The following KIF5B variants were observed in gnomAD, a reference collection of about 807,000 sequenced individuals.
KIF5B encodes the protein kinesin-1 heavy chain.
Under a neutral mutation model 132.8 loss-of-function variants are expected in KIF5B, and 49 were observed. The observed-to-expected ratio is 0.37, with a 90% CI of 0.29 to 0.47. The LOEUF (loss-of-function observed/expected upper bound fraction) is 0.47. KIF5B is among the 20% of genes least tolerant of loss of function. The pLI is 1.00. For synonymous variants in KIF5B, 355 were observed against 369.4 expected (o/e 0.96, Z 0.45); for missense variants, 780 against 1,144.0 (o/e 0.68, Z 4.59).
chr10:32,056,075 A>G lies in KIF5B; in HGVS notation c.-102T>C. On this transcript the variant is annotated 5_prime_UTR_variant, in exon 1 of 26. Transcript: ENST00000302418. The stretch of plus-strand genomic sequence containing the variant: ...GGCTTGTGGTCGCGAGGGCCGTGAG[A>G]GGCAGCAGTCAGCTGCGCCGCGCTG... 4.2e-6 allele frequency: 6 copies of G among 1,437,452 alleles called. No individual in the cohort carries two copies. The highest frequency in any genetic ancestry group is 5.7e-6 in the Non-Finnish European group (6 of 1,060,602). The allele number at this position is 1,437,452 out of a possible 1,614,324, so 89.0% of individuals were successfully genotyped here. A position where few individuals can be genotyped will look rare whatever the true frequency, so the allele number is the denominator to read the frequency against.
intron 15 of KIF5B, among the ~76,000 whole-genome samples, chr10:32,024,462 C>CT (rs772397837): frequency 6.7e-6 from 1 of 150,250 alleles, no homozygotes; most frequent in African/African-American, 2.4e-5. Flanking sequence ...CCGAAGAACT[C>CT]TTAAAACTCA....
rs779216636 is a variant in KIF5B, at chr10:32,032,686, G to A, written c.1374+20C>T. 1.2e-5 allele frequency: 19 copies of A among 1,588,422 alleles called. No individual in the cohort carries two copies. The highest frequency in any genetic ancestry group is 1.6e-5 in the Non-Finnish European group (19 of 1,156,676). ...ACTATAAAGCTTTTCTGGAAGCAAT[G>A]TAAAAGGTATTCAACTCACCTCCTC... On this transcript the variant is annotated intron_variant, in intron 13 of 25. Coordinates refer to ENST00000302418, the MANE Select transcript of KIF5B (RefSeq NM_004521.3).
intron 23 of KIF5B, 23 bp downstream of exon 23, chr10:32,018,028 AC>A: frequency 7.6e-7 from 1 of 1,308,668 alleles, no homozygotes. Context: ...TCTTGCAGCT[AC>A]CAGAAAATAT....
chr10:32,048,321 T>G (rs1340434069), intron 2 of KIF5B, 143 bp downstream of exon 2: 1 of 577,350 alleles, frequency 1.7e-6, no homozygotes, highest in Non-Finnish European at 3.1e-6. Flanking sequence ...GTGTTTGACC[T>G]TTTTATTATT....
chr10:32,034,328 T>A (rs1293163909), intron 11 of KIF5B, among the ~76,000 whole-genome samples: 1 of 152,076 alleles, frequency 6.6e-6, no homozygotes, highest in Non-Finnish European at 1.5e-5. Context: ...GCCAGGCTGG[T>A]CTCTAACTCC....
intron 15 of KIF5B, among the ~76,000 whole-genome samples, chr10:32,023,999 T>C (rs1287962557): frequency 2.0e-5 from 3 of 149,246 alleles, no homozygotes; most frequent in Non-Finnish European, 4.4e-5. Flanking sequence ...ACTTGGTAAG[T>C]TGGACCTCAT....
chr10:32,039,226 A>G (rs1242534495), intron 4 of KIF5B, 101 bp downstream of exon 4: 2 of 568,358 alleles, frequency 3.5e-6, no homozygotes, highest in East Asian at 6.5e-5. Flanking sequence ...GTACCTTTCC[A>G]GAAAAACAAT....
At chr10:32,025,633 C>G (rs1416113417) in intron 15 of KIF5B, among the ~76,000 whole-genome samples, 2 of 142,566 alleles carry the variant, frequency 1.4e-5, no homozygotes, top group Non-Finnish European at 3.2e-5. Context: ...GCCTCGGCCT[C>G]CCGAAGTGCT....
intron 14 of KIF5B, 115 bp downstream of exon 14, chr10:32,030,958 G>C (rs1592445634): frequency 1.4e-6 from 1 of 725,304 alleles, no homozygotes; most frequent in East Asian, 2.7e-5. Flanking sequence ...CCGAGTCCTT[G>C]AAAATTGATG....
intron 14 of KIF5B, 149 bp downstream of exon 14, chr10:32,030,924 T>C: frequency 3.2e-6 from 2 of 623,448 alleles, no homozygotes; most frequent in South Asian, 2.0e-5. Context: ...AGGCTTCATA[T>C]ACAGAAAGAA....
chr10:32,014,938 C>G (rs1841138424), intron 25 of KIF5B, among the ~76,000 whole-genome samples: 1 of 152,054 alleles, frequency 6.6e-6, no homozygotes, highest in Non-Finnish European at 1.5e-5. Flanking sequence ...GCCTGACCAA[C>G]ATGGTGAAAC....
chr10:32,015,517 A>G lies in KIF5B; in HGVS notation c.*12T>C. 1.3e-6 allele frequency: 2 copies of G among 1,582,060 alleles called. No homozygotes were observed. The highest frequency in any genetic ancestry group is 2.3e-5 in the East Asian group (1 of 43,416). Reference sequence around the variant, plus strand: ...AGATATAAATAACAAACCTGTGGGTATGTATAAACGATTACACTTGTTTGC... The same window carrying G: ...AGATATAAATAACAAACCTGTGGGTGTGTATAAACGATTACACTTGTTTGC... On this transcript the variant is annotated 3_prime_UTR_variant, in exon 25 of 26. Coordinates refer to ENST00000302418, the MANE Select transcript of KIF5B (RefSeq NM_004521.3).
At chr10:32,049,585 A>G (rs1346779603) in intron 1 of KIF5B, among the ~76,000 whole-genome samples, 2 of 152,242 alleles carry the variant, frequency 1.3e-5, no homozygotes, top group African/African-American at 4.8e-5. Context: ...GCAAGGATCA[A>G]ATGCAAATAT....
In KIF5B at chr10:32,033,666, T is replaced by C. The variant is rs77944926; in HGVS notation, c.1305+179A>G. Among the ~76,000 whole-genome samples, 310 of 152,288 alleles carry C rather than the reference T, an allele frequency of 2.0e-3. 3 individuals carry two copies. In the Middle Eastern group the frequency reaches 0.02, roughly 10 times the overall value. On this transcript the variant is annotated intron_variant, in intron 12 of 25. Transcript: ENST00000302418. ...TGCTCATACAGTTTCCACACAGAAATTGAAATTATGACTTTTTATTTTGTT... is the reference window on the plus strand; with the variant it reads ...TGCTCATACAGTTTCCACACAGAAACTGAAATTATGACTTTTTATTTTGTT...
intron 2 of KIF5B, among the ~76,000 whole-genome samples, chr10:32,046,484 A>G (rs976235560): frequency 1.3e-5 from 2 of 152,192 alleles, no homozygotes; most frequent in South Asian, 2.1e-4. Flanking sequence ...TGTTGTAATA[A>G]AACAGTACTG....
At chr10:32,027,234 A>T (rs1037033198) in intron 15 of KIF5B, among the ~76,000 whole-genome samples, 2 of 152,276 alleles carry the variant, frequency 1.3e-5, no homozygotes, top group East Asian at 3.9e-4. Flanking sequence ...ATTAGGCTTT[A>T]ATCAAAAAGG....
chr10:32,021,210 G>C lies in KIF5B; in HGVS notation c.2094+16C>G. On this transcript the variant is annotated intron_variant, in intron 18 of 25. Coordinates refer to ENST00000302418, the MANE Select transcript of KIF5B (RefSeq NM_004521.3). Reference sequence around the variant, plus strand: ...CTGATTAATTAAAGCTGTTAGAAATGTGACATCAAACTTGCCTTAACTTCA... The same window carrying C: ...CTGATTAATTAAAGCTGTTAGAAATCTGACATCAAACTTGCCTTAACTTCA... 6.2e-7 allele frequency: 1 copy of C among 1,610,068 alleles called. No individual in the cohort carries two copies. Among genetic ancestry groups the C allele is most frequent in the Non-Finnish European group, 8.5e-7 (1 of 1,176,518 alleles).
At chr10:32,038,504 T>C (rs1055472493) in intron 5 of KIF5B, among the ~76,000 whole-genome samples, 4 of 152,158 alleles carry the variant, frequency 2.6e-5, no homozygotes, top group African/African-American at 9.7e-5. Context: ...ATGTATCTAA[T>C]TGACAGTTGA....
chr10:32,012,084 T>C (rs1022880783), intron 25 of KIF5B, among the ~76,000 whole-genome samples: 2 of 152,230 alleles, frequency 1.3e-5, no homozygotes, highest in Non-Finnish European at 2.9e-5. Flanking sequence ...GGCAGAAGAC[T>C]AGTCATGTAA....
Sources: allele counts gnomAD v4.1 joint callset (sites outside exome capture counted in the v4.1 genomes callset), GRCh38; gene constraint gnomAD v4.1.1; transcripts MANE v1.5; gene names NCBI Gene and HGNC (gene_info 2026-07-23, HGNC 2026-07-21).